Variants in ABLIM1 observed in about 807,000 individuals in gnomAD.
The protein encoded by ABLIM1 is actin-binding LIM protein 1.
In ABLIM1, 40 loss-of-function variants were observed where a neutral mutation model predicts 107.0. The observed-to-expected ratio is 0.37, with a 90% CI of 0.29 to 0.49. The LOEUF (loss-of-function observed/expected upper bound fraction) is 0.49, where lower values mean the gene tolerates loss of function less well. Ranked by LOEUF, ABLIM1 falls within the 20% of genes least tolerant of loss-of-function variation. ABLIM1 has a pLI of 0.97. For missense variants in ABLIM1, 857 were observed against 1,008.5 expected (o/e 0.85, Z 2.04); for synonymous variants, 357 against 357.3 (o/e 1.00, Z 0.01).
At chr10:114,527,083 G>C in intron 6 of ABLIM1, 5 of 589,588 alleles carry the variant, frequency 8.5e-6, no homozygotes, top group Non-Finnish European at 1.1e-5. Context: ...ATGTGAAACC[G>C]ACAGTGATTG....
At chr10:114,445,858 C>A (rs964433504) in intron 15 of ABLIM1, among the ~76,000 whole-genome samples, 7 of 152,182 alleles carry the variant, frequency 4.6e-5, no homozygotes, top group Non-Finnish European at 1.5e-5. Context: ...GCAGCCTCGA[C>A]CTCCAGGCTC....
chr10:114,740,614 T>C (rs2082267183), intron 1 of ABLIM1, among the ~76,000 whole-genome samples: 1 of 152,060 alleles, frequency 6.6e-6, no homozygotes, highest in South Asian at 2.1e-4. Flanking sequence ...ACTATACTGA[T>C]TAGATACAGT....
intron 1 of ABLIM1, among the ~76,000 whole-genome samples, chr10:114,614,172 C>T (rs2076985079): frequency 1.3e-5 from 2 of 152,106 alleles, no homozygotes; most frequent in African/African-American, 2.4e-5. Flanking sequence ...GGAAAGTAGG[C>T]CGGGTGCGGT....
chr10:114,784,798 G>A, the ABLIM1 span, among the ~76,000 whole-genome samples: 1 of 151,884 alleles, frequency 6.6e-6, no homozygotes, highest in Admixed American at 6.6e-5. Flanking sequence ...AATAAGTGGA[G>A]AGGGTAGAAT....
intron 12 of ABLIM1, among the ~76,000 whole-genome samples, chr10:114,455,727 C>T (rs912715870): frequency 1.3e-5 from 2 of 152,228 alleles, no homozygotes; most frequent in East Asian, 1.9e-4. Flanking sequence ...GCAAGATTCA[C>T]CATCAATTTT....
chr10:114,664,832 C>T (rs1469194970), intron 1 of ABLIM1, among the ~76,000 whole-genome samples: 1 of 150,948 alleles, frequency 6.6e-6, no homozygotes, highest in Admixed American at 6.6e-5. Context: ...GTGTGAGCCA[C>T]GGCCTAATGT....
At chr10:114,478,195 A>G (rs2056784100) in intron 8 of ABLIM1, among the ~76,000 whole-genome samples, 1 of 152,230 alleles carries the variant, frequency 6.6e-6, no homozygotes, top group Non-Finnish European at 1.5e-5. Flanking sequence ...TTTCAGATCC[A>G]AATTACCTCC....
At chr10:114,461,006 A>T (rs2063775065) in intron 12 of ABLIM1, among the ~76,000 whole-genome samples, 6 of 152,194 alleles carry the variant, frequency 3.9e-5, no homozygotes, top group Admixed American at 3.9e-4. Flanking sequence ...TTACATTTTA[A>T]TGAATCAATA....
At chr10:114,720,991 A>G (rs1254265131) in intron 1 of ABLIM1, among the ~76,000 whole-genome samples, 1 of 152,226 alleles carries the variant, frequency 6.6e-6, no homozygotes, top group Non-Finnish European at 1.5e-5. Flanking sequence ...GCTCTCAAAG[A>G]TCCTAAGCCA....
the ABLIM1 span, among the ~76,000 whole-genome samples, chr10:114,774,788 T>C: frequency 3.3e-5 from 5 of 152,050 alleles, no homozygotes; most frequent in African/African-American, 1.2e-4. Flanking sequence ...ATTTTAGATG[T>C]AGGCTCTGTC....
chr10:114,678,432 G>A (rs191514512), intron 1 of ABLIM1, among the ~76,000 whole-genome samples: 10 of 152,306 alleles, frequency 6.6e-5, no homozygotes, highest in Admixed American at 6.5e-4. Context: ...TCTTTTTCAA[G>A]AAGTCTTCCA....
At chr10:114,589,510 T>C (rs1298040350) in intron 2 of ABLIM1, among the ~76,000 whole-genome samples, 6 of 149,124 alleles carry the variant, frequency 4.0e-5, no homozygotes, top group African/African-American at 9.9e-5. Flanking sequence ...GCCTGGGCAA[T>C]AGAGTGAGAC....
intron 1 of ABLIM1, among the ~76,000 whole-genome samples, chr10:114,754,262 A>C (rs2082582164): frequency 6.6e-6 from 1 of 151,948 alleles, no homozygotes; most frequent in Non-Finnish European, 1.5e-5. Flanking sequence ...TGTACCTTCT[A>C]TTTTACCCCC....
intron 1 of ABLIM1, among the ~76,000 whole-genome samples, chr10:114,700,519 T>A (rs557941862): frequency 6.9e-5 from 10 of 143,942 alleles, no homozygotes; most frequent in Non-Finnish European, 1.3e-4. Flanking sequence ...CACACACACA[T>A]ACACTCAAAG....
chr10:114,604,717 C>T (rs2076289960), intron 1 of ABLIM1, among the ~76,000 whole-genome samples: 1 of 152,258 alleles, frequency 6.6e-6, no homozygotes, highest in African/African-American at 2.4e-5. Context: ...AGACCATCCT[C>T]TTCAGCAACA....
Position 114,439,164 on chromosome 10 carries a change from A to G in ABLIM1, c.2142+12T>C, listed in dbSNP as rs1245129726. ...ATTCCCATATGAGAGGAAAAAGAACAGCTGCACTTGCCTTTGGTTCCAACA... is the reference window on the plus strand; with the variant it reads ...ATTCCCATATGAGAGGAAAAAGAACGGCTGCACTTGCCTTTGGTTCCAACA... On this transcript the variant is annotated intron_variant, in intron 21 of 22. Transcript: ENST00000533213. 1.9e-6 allele frequency: 3 copies of G among 1,614,106 alleles called. No homozygotes were observed. Among genetic ancestry groups the G allele is most frequent in the African/African-American group, 2.7e-5 (2 of 74,952 alleles).
In ABLIM1 at chr10:114,622,460, G is replaced by A. The variant is rs536545731; in HGVS notation, c.245-20499C>T. 4.6e-5 allele frequency among the ~76,000 whole-genome samples: 7 copies of A among 151,940 alleles called. No homozygotes were observed. In the East Asian group the frequency reaches 5.8e-4, roughly 13 times the overall value. On this transcript the variant is annotated intron_variant, in intron 1 of 22. Coordinates refer to ENST00000533213, the MANE Select transcript of ABLIM1 (RefSeq NM_002313.7). Reference sequence around the variant, plus strand: ...GGGAATTTTGTTTTTTGGAGAGACAGGGTCTCACACTTCCGAGCTCAAGTG... The same window carrying A: ...GGGAATTTTGTTTTTTGGAGAGACAAGGTCTCACACTTCCGAGCTCAAGTG...
chr10:114,570,645 C>T (rs556552702), intron 4 of ABLIM1, among the ~76,000 whole-genome samples: 2 of 121,744 alleles, frequency 1.6e-5, no homozygotes, highest in African/African-American at 3.2e-5. Context: ...CTTTGTCACA[C>T]AGGCTGGAGT....
chr10:114,508,150 A>T (rs17717563), intron 6 of ABLIM1, among the ~76,000 whole-genome samples: 3,426 of 152,182 alleles, frequency 0.023, 46 homozygotes, highest in Middle Eastern at 0.044. Flanking sequence ...ACATTACAAA[A>T]TTTTTTTTCT....
Sources: gnomAD v4.1 joint callset for allele counts (sites outside exome capture counted in the v4.1 genomes callset) on GRCh38, gnomAD v4.1.1 for gene constraint, MANE v1.5 for transcripts, NCBI Gene and HGNC (gene_info 2026-07-23, HGNC 2026-07-21) for gene names.